The following TNS1 variants were observed in gnomAD, a reference collection of about 807,000 sequenced individuals.
The protein encoded by TNS1 is tensin-1.
TNS1 carries 62 observed loss-of-function variants against 168.6 expected under a neutral mutation model. The observed-to-expected ratio is 0.37, with a 90% confidence interval of 0.30 to 0.45. The LOEUF (loss-of-function observed/expected upper bound fraction) is 0.45. TNS1 is among the 20% of genes least tolerant of loss of function. The pLI, the probability that TNS1 is intolerant of heterozygous loss-of-function variation, is 1.00. For synonymous variants in TNS1, 934 were observed against 933.2 expected (o/e 1.00, Z -0.02); for missense variants, 2,240 against 2,339.4 (o/e 0.96, Z 0.88).
intron 4 of TNS1, among the ~76,000 whole-genome samples, chr2:217,914,514 GT>G (rs1003987093): frequency 7.9e-5 from 12 of 152,172 alleles, no homozygotes; most frequent in African/African-American, 2.4e-4. Context: ...TTTTTGTTTT[GT>G]TTTTGTTTTT....
chr2:217,912,050 A>T (rs1954469881), intron 4 of TNS1, among the ~76,000 whole-genome samples: 1 of 152,162 alleles, frequency 6.6e-6, no homozygotes, highest in Non-Finnish European at 1.5e-5. Flanking sequence ...TTTTTTCCAA[A>T]AAAAGACACA....
chr2:217,878,093 G>A (rs1026897787), intron 18 of TNS1, among the ~76,000 whole-genome samples: 7 of 152,210 alleles, frequency 4.6e-5, no homozygotes, highest in Non-Finnish European at 7.3e-5. Context: ...CTGAGTGAGC[G>A]GCCCACACTC....
At chr2:217,873,985 A>G (rs1377331408) in intron 18 of TNS1, among the ~76,000 whole-genome samples, 2 of 151,392 alleles carry the variant, frequency 1.3e-5, no homozygotes, top group Non-Finnish European at 2.9e-5. Context: ...AGACTTACTG[A>G]GCCTCCCCAC....
intron 6 of TNS1, 51 bp downstream of exon 6, chr2:217,906,284 C>A: frequency 1.4e-6 from 1 of 690,124 alleles, no homozygotes. Flanking sequence ...ACCCCATTCC[C>A]CCTGGCCACC....
At chr2:217,857,827 C>T (rs1387529485) in intron 18 of TNS1, among the ~76,000 whole-genome samples, 2 of 152,200 alleles carry the variant, frequency 1.3e-5, no homozygotes, top group Non-Finnish European at 2.9e-5. Context: ...CACCCCTACC[C>T]TCAGCCTATA....
intron 18 of TNS1, among the ~76,000 whole-genome samples, chr2:217,866,207 T>C (rs1184826989): frequency 2.6e-5 from 4 of 152,178 alleles, no homozygotes; most frequent in African/African-American, 9.7e-5. Context: ...AGCAGCAGAC[T>C]AGGAGCCAAA....
At chr2:217,845,189 G>A (rs2125404703) in intron 19 of TNS1, among the ~76,000 whole-genome samples, 1 of 152,316 alleles carries the variant, frequency 6.6e-6, no homozygotes, top group East Asian at 1.9e-4. Context: ...TGGGGAAAAG[G>A]CAGACCTGGG....
At chr2:217,828,027 G>A (rs929343282) in intron 22 of TNS1, among the ~76,000 whole-genome samples, 1 of 152,226 alleles carries the variant, frequency 6.6e-6, no homozygotes, top group Non-Finnish European at 1.5e-5. Flanking sequence ...GCGTGGTCCG[G>A]CATCTGAAGC....
At chr2:217,839,971 G>C (rs1945726022) in intron 19 of TNS1, among the ~76,000 whole-genome samples, 1 of 152,176 alleles carries the variant, frequency 6.6e-6, no homozygotes, top group South Asian at 2.1e-4. Flanking sequence ...CACCATCCCA[G>C]AACCTGCCCC....
At chr2:217,941,836 C>T (rs1956926536) in intron 3 of TNS1, among the ~76,000 whole-genome samples, 1 of 152,324 alleles carries the variant, frequency 6.6e-6, no homozygotes, top group East Asian at 1.9e-4. Flanking sequence ...AGCCAAGATT[C>T]CACCTCTGAG....
chr2:217,899,798 A>T (rs549527634), intron 7 of TNS1, among the ~76,000 whole-genome samples: 1 of 152,338 alleles, frequency 6.6e-6, no homozygotes, highest in South Asian at 2.1e-4. Flanking sequence ...GGATCCTCTA[A>T]GGAGCCACCT....
In TNS1 at chr2:217,863,572, G is replaced by A. The variant is rs1340351232; in HGVS notation, c.1430-14485C>T. Among the ~76,000 whole-genome samples the A allele has an allele frequency of 6.6e-5, 10 of 152,164 alleles. No homozygotes were observed. In the East Asian group the frequency reaches 1.7e-3, roughly 26 times the overall value. On this transcript the variant is annotated intron_variant, in intron 18 of 32. Transcript: ENST00000682258. The stretch of plus-strand genomic sequence containing the variant: ...CCTGGGGTGTAATAGACCGATCTCC[G>A]AACTAAGACTCAAGAGTCTTGGGTT...
At chr2:217,900,001 C>T (rs923084276) in intron 7 of TNS1, among the ~76,000 whole-genome samples, 1 of 152,154 alleles carries the variant, frequency 6.6e-6, no homozygotes, top group African/African-American at 2.4e-5. Context: ...GCCAGCCCAG[C>T]CAGATAGGGA....
At chr2:217,910,294 G>A (rs1375483622) in intron 4 of TNS1, among the ~76,000 whole-genome samples, 1 of 151,946 alleles carries the variant, frequency 6.6e-6, no homozygotes, top group Admixed American at 6.6e-5. Flanking sequence ...TCAGCTTACT[G>A]GTTGAGATGC....
At chr2:217,849,991 T>A in intron 18 of TNS1, 1 of 985,436 alleles carries the variant, frequency 1.0e-6, no homozygotes, top group African/African-American at 1.7e-5. Context: ...ACAATGTCAT[T>A]CATGCTGCCC....
intron 3 of TNS1, chr2:217,936,879 T>C (rs1025333635): frequency 4.4e-6 from 2 of 453,196 alleles, no homozygotes; most frequent in African/African-American, 4.0e-5. Context: ...ACTACAAGGT[T>C]GGAAATATGA....
At chr2:217,883,941 T>C (rs1950922007) in intron 16 of TNS1, among the ~76,000 whole-genome samples, 2 of 152,172 alleles carry the variant, frequency 1.3e-5, no homozygotes, top group Admixed American at 1.3e-4. Context: ...TGGCATCTGC[T>C]CCATGGGACA....
At chr2:218,020,773 C>G (rs1056838703) in intron 1 of TNS1, among the ~76,000 whole-genome samples, 2 of 152,190 alleles carry the variant, frequency 1.3e-5, no homozygotes, top group African/African-American at 4.8e-5. Context: ...AGCAGGAACC[C>G]AAAGATACAG....
intron 18 of TNS1, among the ~76,000 whole-genome samples, chr2:217,877,127 C>T (rs946622059): frequency 6.6e-6 from 1 of 152,146 alleles, no homozygotes; most frequent in Non-Finnish European, 1.5e-5. Context: ...TCATCACGCC[C>T]CCCTCCTCCT....
Sources: gnomAD v4.1 joint callset for allele counts (sites outside exome capture counted in the v4.1 genomes callset) on GRCh38, gnomAD v4.1.1 for gene constraint, MANE v1.5 for transcripts, NCBI Gene and HGNC (gene_info 2026-07-23, HGNC 2026-07-21) for gene names.